The following ATF1 variants were observed in gnomAD, a reference collection of about 807,000 sequenced individuals.
ATF1 encodes the protein activating transcription factor 1, also known as cyclic AMP-dependent transcription factor ATF-1.
In ATF1, 16 loss-of-function variants were observed where a neutral mutation model predicts 34.7. The ratio of observed to expected loss-of-function variants is 0.46; its 90% CI spans 0.31 to 0.70. The LOEUF (loss-of-function observed/expected upper bound fraction) is 0.70. Ranked by LOEUF, ATF1 falls within the 30% of genes least tolerant of loss-of-function variation. ATF1 has a pLI of 0.05. For missense variants in ATF1, 255 were observed against 321.6 expected, an observed-to-expected ratio of 0.79 and a Z score of 1.58; for synonymous variants, 105 against 113.1, an observed-to-expected ratio of 0.93 and a Z score of 0.46.
At chr12:50,793,910 T>C (rs1283859092) in intron 2 of ATF1, among the ~76,000 whole-genome samples, 3 of 152,088 alleles carry the variant, frequency 2.0e-5, no homozygotes, top group African/African-American at 7.2e-5. Flanking sequence ...TGATTTCTTA[T>C]GTCCCTTCTA....
At chr12:50,811,428 T>C (rs1406364913) in intron 4 of ATF1, among the ~76,000 whole-genome samples, 2 of 151,972 alleles carry the variant, frequency 1.3e-5, no homozygotes, top group Non-Finnish European at 2.9e-5. Flanking sequence ...GGACCTGGCA[T>C]ATAGTAGGCT....
intron 2 of ATF1, among the ~76,000 whole-genome samples, chr12:50,782,331 C>A (rs1310268285): frequency 6.6e-6 from 1 of 152,026 alleles, no homozygotes; most frequent in Non-Finnish European, 1.5e-5. Context: ...TCTCGGCTCA[C>A]TGCAACCTCC....
At chr12:50,805,862 AAAAT>A (rs1941605687) in intron 3 of ATF1, among the ~76,000 whole-genome samples, 1 of 152,050 alleles carries the variant, frequency 6.6e-6, no homozygotes, top group Admixed American at 6.6e-5. Flanking sequence ...GTTGAGAAAA[AAAAT>A]AAAGCCAGGC....
At chr12:50,780,733 C>A (rs933843444) in intron 2 of ATF1, among the ~76,000 whole-genome samples, 3 of 151,740 alleles carry the variant, frequency 2.0e-5, no homozygotes, top group Non-Finnish European at 4.4e-5. Context: ...GAAGTCAGGG[C>A]GGGCGGATCA....
intron 1 of ATF1, among the ~76,000 whole-genome samples, chr12:50,769,499 C>T (rs1397677177): frequency 1.3e-5 from 2 of 150,380 alleles, no homozygotes; most frequent in African/African-American, 4.9e-5. Flanking sequence ...CAGAGCGAGA[C>T]TCCATCTCAA....
chr12:50,776,094 TGAGGTCAGGAGATCAA>T (rs1050679089), intron 1 of ATF1, among the ~76,000 whole-genome samples: 39 of 151,882 alleles, frequency 2.6e-4, no homozygotes, highest in Admixed American at 1.8e-3. Flanking sequence ...GGGCGGATCA[TGAGGTCAGGAGATCAA>T]GACCATCCTG....
intron 1 of ATF1, among the ~76,000 whole-genome samples, chr12:50,771,955 A>G (rs557578488): frequency 2.0e-5 from 3 of 152,332 alleles, no homozygotes; most frequent in African/African-American, 4.8e-5. Flanking sequence ...CTTGTTTAGC[A>G]TATCATCGAC....
At chr12:50,816,705 C>T (rs1243963326) in intron 6 of ATF1, among the ~76,000 whole-genome samples, 2 of 151,880 alleles carry the variant, frequency 1.3e-5, no homozygotes, top group East Asian at 3.9e-4. Flanking sequence ...CCAGCCTGGG[C>T]AATATAGGGA....
At chr12:50,768,185 TC>T (rs1012147584) in intron 1 of ATF1, among the ~76,000 whole-genome samples, 1 of 152,178 alleles carries the variant, frequency 6.6e-6, no homozygotes, top group Non-Finnish European at 1.5e-5. Context: ...CTTTTGCACT[TC>T]CGTGGCAACA....
chr12:50,774,371 T>G (rs1940857912), intron 1 of ATF1, among the ~76,000 whole-genome samples: 1 of 152,064 alleles, frequency 6.6e-6, no homozygotes, highest in Non-Finnish European at 1.5e-5. Context: ...TTCCCTGACA[T>G]TCTCTCTATG....
intron 1 of ATF1, among the ~76,000 whole-genome samples, chr12:50,768,998 T>C (rs1044934851): frequency 6.6e-6 from 1 of 152,208 alleles, no homozygotes; most frequent in Admixed American, 6.5e-5. Context: ...TAGGCTAGGC[T>C]CCACACCTAG....
intron 3 of ATF1, chr12:50,806,457 G>A: frequency 3.0e-6 from 1 of 335,658 alleles, no homozygotes. Context: ...GCACCACACA[G>A]GGCGGGCTTT....
rs533354244 is a variant in ATF1 at position 50,808,362 on chromosome 12, CTG to C, written c.195-1092_195-1091del. Among the ~76,000 whole-genome samples, 243 of 152,088 alleles carry C rather than the reference CTG, an allele frequency of 1.6e-3. 1 individual carries two copies. The highest frequency in any genetic ancestry group is 3.4e-3 in the Middle Eastern group (1 of 294). On this transcript the variant is annotated intron_variant, in intron 3 of 6. Transcript: ENST00000262053. ...GTTTCTTTTGAGATGGAATCTCACT[CTG>C]TCGCCCAGGCTGGGGGTACAGTGGC...
At chr12:50,764,028 T>G (rs1282879394), upstream of ATF1, 1 of 151,840 alleles carries the variant, frequency 6.6e-6, no homozygotes, top group Non-Finnish European at 1.5e-5. Flanking sequence ...AAACGCACAC[T>G]AGTGCTCAGT....
Position 50,777,794 on chromosome 12 carries a change from T to A in ATF1, c.-6-2346T>A, listed in dbSNP as rs968066046. Among the ~76,000 whole-genome samples, 68 of 131,786 alleles carry A rather than the reference T, an allele frequency of 5.2e-4. 2 individuals are homozygous for A. Among genetic ancestry groups the A allele is most frequent in the South Asian group, 9.7e-4 (4 of 4,124 alleles). The allele number at this position is 131,786 out of a possible 152,430, so 86.5% of individuals were successfully genotyped here. A position where few individuals can be genotyped will look rare whatever the true frequency, so the allele number is the denominator to read the frequency against. On this transcript the variant is annotated intron_variant, in intron 1 of 6. Transcript: ENST00000262053. ...AGACCCTGTCTCAAAAAAAAAAAAA[T>A]GTTTTCTGACTTAGAAAAAAGGAAG...
Position 50,813,944 on chromosome 12 carries a change from T to G in ATF1, c.329-66T>G, listed in dbSNP as rs182075095. On this transcript the variant is annotated intron_variant, in intron 4 of 6. Coordinates refer to ENST00000262053, the MANE Select transcript of ATF1 (RefSeq NM_005171.5). ...TTAGTAAATAGTGTTTGTGGGCTTT[T>G]TGCCACTCCTTTGAATTAGTGTATT... 372 of 1,476,852 alleles carry G rather than the reference T, an allele frequency of 2.5e-4. 2 individuals carry two copies. The highest frequency in any genetic ancestry group is 3.3e-4 in the Non-Finnish European group (360 of 1,094,026). 91.5% of individuals were successfully genotyped at this position (1,476,852 alleles called of 1,614,324 possible). A position where few individuals can be genotyped will look rare whatever the true frequency, so the allele number is the denominator to read the frequency against.
intron 1 of ATF1, among the ~76,000 whole-genome samples, chr12:50,772,778 T>C (rs1420580200): frequency 6.6e-5 from 10 of 152,112 alleles, no homozygotes; most frequent in Admixed American, 6.6e-4. Context: ...ACTTTTAAGT[T>C]CCAGGGTACA....
At chr12:50,777,860 A>G (rs1445517055) in intron 1 of ATF1, among the ~76,000 whole-genome samples, 6 of 152,136 alleles carry the variant, frequency 3.9e-5, no homozygotes, top group African/African-American at 1.2e-4. Flanking sequence ...TATTAATTCA[A>G]TGAAGCCTGG....
intron 1 of ATF1, among the ~76,000 whole-genome samples, chr12:50,771,797 C>T (rs1384109446): frequency 2.0e-5 from 3 of 152,130 alleles, no homozygotes; most frequent in Non-Finnish European, 4.4e-5. Flanking sequence ...CGGCCAAAAC[C>T]CACCAAAACC....
Sources: allele counts gnomAD v4.1 joint callset (sites outside exome capture counted in the v4.1 genomes callset), GRCh38; gene constraint gnomAD v4.1.1; transcripts MANE v1.5; gene names NCBI Gene and HGNC (gene_info 2026-07-23, HGNC 2026-07-21).